Variants in MOB3B observed in about 807,000 individuals in gnomAD.
MOB3B encodes MOB kinase activator-like 2B.
MOB3B carries 7 observed loss-of-function variants against 18.7 expected under a neutral mutation model. The ratio of observed to expected loss-of-function variants is 0.37; its 90% CI spans 0.21 to 0.70. The LOEUF (loss-of-function observed/expected upper bound fraction) is 0.70, where lower values mean the gene tolerates loss of function less well. Among genes scored for constraint, MOB3B ranks in the 30% least tolerant of loss-of-function variants. The pLI is 0.52. For synonymous variants in MOB3B, 111 were observed against 99.9 expected (o/e 1.11, Z -0.66); for missense variants, 253 against 281.3 (o/e 0.90, Z 0.72).
chr9:27,491,050 T>G (rs138373169), intron 1 of MOB3B, among the ~76,000 whole-genome samples: 1 of 151,982 alleles, frequency 6.6e-6, no homozygotes, highest in East Asian at 1.9e-4. Context: ...TGATAATAAT[T>G]GCAACAAACG....
At chr9:27,523,414 T>C (rs1820370948) in intron 1 of MOB3B, among the ~76,000 whole-genome samples, 2 of 143,116 alleles carry the variant, frequency 1.4e-5, no homozygotes, top group South Asian at 2.2e-4. Flanking sequence ...CAAGAAGATA[T>C]AATAATCAAG....
intron 3 of MOB3B, chr9:27,358,747 G>T (rs775320746): frequency 9.9e-6 from 6 of 605,004 alleles, no homozygotes; most frequent in Middle Eastern, 5.0e-4. Context: ...ATAAGTGGAA[G>T]AATGACTTTG....
intron 1 of MOB3B, among the ~76,000 whole-genome samples, chr9:27,499,012 A>G (rs1262811377): frequency 6.6e-6 from 1 of 152,230 alleles, no homozygotes; most frequent in Middle Eastern, 3.2e-3. Flanking sequence ...ATTTATCTGT[A>G]TATGCATAAA....
intron 2 of MOB3B, among the ~76,000 whole-genome samples, chr9:27,424,610 T>G (rs188830705): frequency 1.3e-5 from 2 of 152,202 alleles, no homozygotes; most frequent in Non-Finnish European, 2.9e-5. Context: ...TGGGGACCCA[T>G]GACTACTCAG....
chr9:27,351,571 G>C (rs1451462308), intron 3 of MOB3B, among the ~76,000 whole-genome samples: 1 of 152,250 alleles, frequency 6.6e-6, no homozygotes, highest in Non-Finnish European at 1.5e-5. Flanking sequence ...GAAGCCGCCT[G>C]ACAAGAAGCA....
At chr9:27,507,617 C>G (rs1263616590) in intron 1 of MOB3B, among the ~76,000 whole-genome samples, 1 of 152,176 alleles carries the variant, frequency 6.6e-6, no homozygotes, top group Non-Finnish European at 1.5e-5. Flanking sequence ...TAATGCAATA[C>G]TTTGTCCCTT....
At position 27,342,465 on chromosome 9, in the gene MOB3B, G is replaced by GTCTCCC. The variant is rs1447481852; in HGVS notation, c.622-11855_622-11850dup. Among the ~76,000 whole-genome samples, 1,169 of 129,900 alleles carry GTCTCCC rather than the reference G, an allele frequency of 9.0e-3. 21 individuals carry two copies. The highest frequency in any genetic ancestry group is 0.033 in the African/African-American group (1,103 of 33,366). The allele number at this position is 129,900 out of a possible 152,430, so 85.2% of individuals were successfully genotyped here. On this transcript the variant is annotated intron_variant, in intron 3 of 3. Transcript: ENST00000262244. The stretch of plus-strand genomic sequence containing the variant: ...CTCCCCCTCCGTCTCCCTTTCCCTC[G>GTCTCCC]TCTCCCTCTCCCTCTCCCCGGTCTC...
At chr9:27,436,953 C>G (rs376110049) in intron 2 of MOB3B, among the ~76,000 whole-genome samples, 1 of 135,054 alleles carries the variant, frequency 7.4e-6, no homozygotes, top group East Asian at 2.1e-4. Context: ...GAACAGAACG[C>G]GCAAAGGCTC....
chr9:27,466,672 A>G (rs988824321), intron 1 of MOB3B, among the ~76,000 whole-genome samples: 1 of 152,192 alleles, frequency 6.6e-6, no homozygotes, highest in Non-Finnish European at 1.5e-5. Flanking sequence ...GGCAGAAGGC[A>G]CTTCTTATAC....
chr9:27,474,458 G>A (rs1819522117), intron 1 of MOB3B, among the ~76,000 whole-genome samples: 1 of 152,138 alleles, frequency 6.6e-6, no homozygotes, highest in African/African-American at 2.4e-5. Flanking sequence ...CATCAAGGCT[G>A]GCTGAATAAA....
chr9:27,458,251 C>T (rs1430370273), intron 1 of MOB3B, among the ~76,000 whole-genome samples: 2 of 152,076 alleles, frequency 1.3e-5, no homozygotes, highest in African/African-American at 4.8e-5. Context: ...TCTGTTTTCC[C>T]TCAGCCAGGA....
chr9:27,526,283 A>T (rs906275676), intron 1 of MOB3B: 1 of 152,252 alleles, frequency 6.6e-6, no homozygotes, highest in African/African-American at 2.4e-5. Flanking sequence ...ATTGTGGATC[A>T]TGGTATATGC....
chr9:27,527,462 T>C (rs1399968119), intron 1 of MOB3B, among the ~76,000 whole-genome samples: 2 of 152,344 alleles, frequency 1.3e-5, no homozygotes, highest in South Asian at 2.1e-4. Flanking sequence ...ATTCCTGGCT[T>C]AGCAGTCTCA....
At chr9:27,456,984 T>C (rs757945192) in intron 1 of MOB3B, among the ~76,000 whole-genome samples, 7 of 152,230 alleles carry the variant, frequency 4.6e-5, no homozygotes, top group Non-Finnish European at 8.8e-5. Flanking sequence ...CTGAGGTTTA[T>C]AGATTTATAA....
At chr9:27,484,029 G>C (rs1026530380) in intron 1 of MOB3B, among the ~76,000 whole-genome samples, 2 of 152,220 alleles carry the variant, frequency 1.3e-5, no homozygotes, top group African/African-American at 4.8e-5. Context: ...CCCATAACGA[G>C]CTTATGATGC....
chr9:27,504,867 T>C (rs1820035913), intron 1 of MOB3B, among the ~76,000 whole-genome samples: 1 of 152,222 alleles, frequency 6.6e-6, no homozygotes, highest in South Asian at 2.1e-4. Flanking sequence ...CTGGAGGTTC[T>C]CAGGGAGAAT....
chr9:27,341,688 G>A (rs1820943962), intron 3 of MOB3B, among the ~76,000 whole-genome samples: 1 of 152,154 alleles, frequency 6.6e-6, no homozygotes, highest in South Asian at 2.1e-4. Flanking sequence ...TCACCACTTT[G>A]TGCCCGACTC....
chr9:27,464,377 C>A (rs1470948450), intron 1 of MOB3B, among the ~76,000 whole-genome samples: 2 of 152,300 alleles, frequency 1.3e-5, no homozygotes, highest in Non-Finnish European at 2.9e-5. Context: ...TATTCCCCAA[C>A]ATTTATAACA....
Position 27,517,647 on chromosome 9 carries a change from C to CAAAAAA in MOB3B, c.-199+11902_-199+11907dup, listed in dbSNP as rs756559270. Among the ~76,000 whole-genome samples, 16 of 54,258 alleles carry CAAAAAA rather than the reference C, an allele frequency of 2.9e-4. 1 individual carries two copies. Among genetic ancestry groups the CAAAAAA allele is most frequent in the South Asian group, 1.3e-3 (1 of 790 alleles). 35.6% of individuals were successfully genotyped at this position (54,258 alleles called of 152,430 possible). ...TGGCCGACAGAGCGAGACTCTGTCT[C>CAAAAAA]AAAAAAAAAAAAAAAAAAAAAAAAA... On this transcript the variant is annotated intron_variant, in intron 1 of 3. Coordinates refer to ENST00000262244, the MANE Select transcript of MOB3B (RefSeq NM_024761.5).
Sources: allele counts gnomAD v4.1 joint callset (sites outside exome capture counted in the v4.1 genomes callset), GRCh38; gene constraint gnomAD v4.1.1; transcripts MANE v1.5; gene names NCBI Gene and HGNC (gene_info 2026-07-23, HGNC 2026-07-21).